Variants in CNTN5 observed in about 807,000 individuals in gnomAD.
The protein encoded by CNTN5 is contactin 5.
In CNTN5, 77 loss-of-function variants were observed where a neutral mutation model predicts 129.1. The ratio of observed to expected loss-of-function variants is 0.60; its 90% CI spans 0.50 to 0.72. The LOEUF is 0.72. Ranked by LOEUF, CNTN5 falls within the 30% of genes least tolerant of loss-of-function variation. The pLI, the probability that CNTN5 is intolerant of heterozygous loss-of-function variation, is 0.00. For missense variants in CNTN5, 1,478 were observed against 1,328.8 expected, an observed-to-expected ratio of 1.11 and a Z score of -1.75; for synonymous variants, 509 against 465.6, an observed-to-expected ratio of 1.09 and a Z score of -1.20.
At chr11:99,903,736 A>C (rs549861235) in intron 6 of CNTN5, among the ~76,000 whole-genome samples, 2 of 152,268 alleles carry the variant, frequency 1.3e-5, no homozygotes, top group East Asian at 1.9e-4. Flanking sequence ...TCTAAATATA[A>C]TTTTTTTAGA....
intron 1 of CNTN5, among the ~76,000 whole-genome samples, chr11:99,141,108 G>A (rs571789112): frequency 6.6e-6 from 1 of 152,238 alleles, no homozygotes; most frequent in African/African-American, 2.4e-5. Flanking sequence ...GATTTTGGCT[G>A]TGAATGTCTG....
chr11:99,509,737 A>C (rs935517744), intron 2 of CNTN5, among the ~76,000 whole-genome samples: 5 of 152,084 alleles, frequency 3.3e-5, no homozygotes, highest in African/African-American at 1.2e-4. Context: ...TATTTTACTG[A>C]GAAAAAAAGA....
chr11:100,310,748 T>C (rs1268980423), intron 21 of CNTN5, among the ~76,000 whole-genome samples: 1 of 151,962 alleles, frequency 6.6e-6, no homozygotes, highest in Non-Finnish European at 1.5e-5. Context: ...TCAACCTTTC[T>C]GTGGTTGCGA....
intron 13 of CNTN5, among the ~76,000 whole-genome samples, chr11:100,133,122 G>A (rs1946425883): frequency 6.6e-6 from 1 of 152,060 alleles, no homozygotes; most frequent in South Asian, 2.1e-4. Context: ...TGACCACATA[G>A]ATCAAAAGAA....
At chr11:99,784,928 T>C (rs1945461727) in intron 3 of CNTN5, among the ~76,000 whole-genome samples, 1 of 148,612 alleles carries the variant, frequency 6.7e-6, no homozygotes, top group South Asian at 2.2e-4. Context: ...GCCTCCCAAA[T>C]AGGTGAGACT....
intron 2 of CNTN5, among the ~76,000 whole-genome samples, chr11:99,529,983 A>T (rs1332838781): frequency 6.6e-6 from 1 of 152,218 alleles, no homozygotes; most frequent in Non-Finnish European, 1.5e-5. Flanking sequence ...AAATATTTTA[A>T]AGTGATTAGA....
chr11:100,133,035 A>G (rs1435326556), intron 13 of CNTN5, among the ~76,000 whole-genome samples: 1 of 152,174 alleles, frequency 6.6e-6, no homozygotes, highest in East Asian at 1.9e-4. Flanking sequence ...ATATTTTAAT[A>G]TTAATTTTAA....
At chr11:99,529,217 C>T (rs1196142585) in intron 2 of CNTN5, among the ~76,000 whole-genome samples, 2 of 152,174 alleles carry the variant, frequency 1.3e-5, no homozygotes, top group Non-Finnish European at 2.9e-5. Context: ...CAGATCTTCC[C>T]CACCTGATCC....
At chr11:99,233,590 T>C (rs1489067985) in intron 1 of CNTN5, among the ~76,000 whole-genome samples, 1 of 152,222 alleles carries the variant, frequency 6.6e-6, no homozygotes, top group Non-Finnish European at 1.5e-5. Context: ...TGGGTCATGA[T>C]CAATTAGTAA....
intron 1 of CNTN5, among the ~76,000 whole-genome samples, chr11:99,293,478 A>T (rs1203539005): frequency 1.3e-5 from 2 of 152,172 alleles, no homozygotes; most frequent in Non-Finnish European, 2.9e-5. Context: ...GTATTGGAAC[A>T]GTTTGAGTAT....
chr11:99,499,920 A>T (rs926859392), intron 2 of CNTN5, among the ~76,000 whole-genome samples: 12 of 152,140 alleles, frequency 7.9e-5, no homozygotes, highest in African/African-American at 2.9e-4. Context: ...TACGTAAAAA[A>T]TATAGGCTTT....
intron 6 of CNTN5, among the ~76,000 whole-genome samples, chr11:99,903,618 G>A (rs560119666): frequency 6.6e-6 from 1 of 152,208 alleles, no homozygotes; most frequent in East Asian, 1.9e-4. Context: ...ATTGCCTGAG[G>A]AGTTGAAAGA....
intron 2 of CNTN5, among the ~76,000 whole-genome samples, chr11:99,379,914 CATATATGTGT>C (rs1047060853): frequency 9.2e-5 from 14 of 151,826 alleles, no homozygotes; most frequent in African/African-American, 3.4e-4. Flanking sequence ...TTTAAATACA[CATATATGTGT>C]ATATATGTGT....
intron 18 of CNTN5, among the ~76,000 whole-genome samples, chr11:100,285,606 T>A (rs1950764167): frequency 6.6e-6 from 1 of 152,248 alleles, no homozygotes. Flanking sequence ...AATGAAAGAC[T>A]ATGCTAACAC....
chr11:99,297,196 T>A (rs970829352), intron 1 of CNTN5, among the ~76,000 whole-genome samples: 4 of 152,110 alleles, frequency 2.6e-5, no homozygotes, highest in Non-Finnish European at 5.9e-5. Flanking sequence ...GGTTACAAGG[T>A]CAAGCTCCCA....
At chr11:99,401,562 T>C (rs1046954461) in intron 2 of CNTN5, among the ~76,000 whole-genome samples, 1 of 152,182 alleles carries the variant, frequency 6.6e-6, no homozygotes, top group Non-Finnish European at 1.5e-5. Flanking sequence ...GCTTTGGTTG[T>C]TCTGTACTTT....
At chr11:99,112,674 G>A (rs143534972) in intron 1 of CNTN5, among the ~76,000 whole-genome samples, 2 of 151,952 alleles carry the variant, frequency 1.3e-5, no homozygotes, top group African/African-American at 4.8e-5. Flanking sequence ...GCCCTTCAGG[G>A]ATCTAAACCT....
At chr11:99,905,150 C>A (rs773729661) in intron 6 of CNTN5, among the ~76,000 whole-genome samples, 19 of 152,116 alleles carry the variant, frequency 1.2e-4, no homozygotes, top group Non-Finnish European at 2.6e-4. Flanking sequence ...TTAATTAGAT[C>A]TCATTTGTCA....
intron 3 of CNTN5, among the ~76,000 whole-genome samples, chr11:99,759,817 TA>T (rs763534536): frequency 9.2e-5 from 14 of 151,978 alleles, no homozygotes; most frequent in Non-Finnish European, 1.5e-4. Flanking sequence ...AAACTTAATG[TA>T]AAAAAGTATT....
Sources: allele counts gnomAD v4.1 joint callset (sites outside exome capture counted in the v4.1 genomes callset), GRCh38; gene constraint gnomAD v4.1.1; transcripts MANE v1.5; gene names NCBI Gene and HGNC (gene_info 2026-07-23, HGNC 2026-07-21).